Variants in LAPTM4B observed in about 807,000 individuals in gnomAD.
LAPTM4B encodes lysosomal protein transmembrane 4 beta, also known as lysosomal-associated transmembrane protein 4B.
LAPTM4B carries 26 observed loss-of-function variants against 28.5 expected under a neutral mutation model. That is an observed-to-expected ratio of 0.91 (90% CI 0.67 to 1.27). LAPTM4B has a LOEUF of 1.27. Ranked by LOEUF, LAPTM4B falls within the 50% of genes most tolerant of loss-of-function variation. The pLI, the probability that LAPTM4B is intolerant of heterozygous loss-of-function variation, is 0.00. For synonymous variants in LAPTM4B, 109 were observed against 106.4 expected, an observed-to-expected ratio of 1.02 and a Z score of -0.15; for missense variants, 288 against 285.8, an observed-to-expected ratio of 1.01 and a Z score of -0.06.
intron 1 of LAPTM4B, among the ~76,000 whole-genome samples, chr8:97,783,659 C>T (rs1259481748): frequency 6.6e-6 from 1 of 152,118 alleles, no homozygotes; most frequent in East Asian, 1.9e-4. Flanking sequence ...TACCACATAC[C>T]ACAGGCTACC....
chr8:97,787,640 G>T (rs1816425001), intron 1 of LAPTM4B, among the ~76,000 whole-genome samples: 1 of 152,096 alleles, frequency 6.6e-6, no homozygotes, highest in Non-Finnish European at 1.5e-5. Flanking sequence ...TAATATCTTT[G>T]TCTTTCTTTT....
At position 97,837,536 on chromosome 8, in the gene LAPTM4B, A is replaced by G. The variant is rs1817280683; in HGVS notation, c.603+12383A>G. On this transcript the variant is annotated intron_variant, in intron 6 of 6. Coordinates refer to ENST00000521545, the MANE Select transcript of LAPTM4B (RefSeq NM_018407.6). ...GTTAGAAACAAGTTCTTGACTGCAT[A>G]ATGAGTTCTGTTTTTTTTTTCCCTT... Among the ~76,000 whole-genome samples the G allele has an allele frequency of 5.3e-5, 8 of 152,150 alleles. No individual in the cohort carries two copies. The South Asian group carries it at 1.7e-3, about 32-fold the overall frequency.
chr8:97,825,054 T>C lies in LAPTM4B; in HGVS notation c.508-4T>C. ...AAAATCTGATAATCACTCCTCATTT[T>C]CAGGGTTACTTGATTAGCTGTGTTT... On this transcript the variant is annotated splice_polypyrimidine_tract_variant and splice_region_variant and intron_variant, in intron 5 of 6. Transcript: ENST00000521545. 6.4e-7 allele frequency: 1 copy of C among 1,566,852 alleles called. No individual in the cohort carries two copies. The highest frequency in any genetic ancestry group is 1.1e-5 in the South Asian group (1 of 89,752).
At chr8:97,779,963 A>C (rs1265061324) in intron 1 of LAPTM4B, among the ~76,000 whole-genome samples, 2 of 151,200 alleles carry the variant, frequency 1.3e-5, no homozygotes, top group African/African-American at 4.9e-5. Context: ...AGGCAGGAGA[A>C]TCCCTTGAAC....
intron 1 of LAPTM4B, among the ~76,000 whole-genome samples, chr8:97,785,250 T>A (rs935203006): frequency 3.9e-5 from 6 of 152,106 alleles, no homozygotes; most frequent in African/African-American, 1.2e-4. Flanking sequence ...CACGCCTGGC[T>A]TAATTTAGTA....
intron 5 of LAPTM4B, among the ~76,000 whole-genome samples, chr8:97,823,373 G>T (rs866595675): frequency 0.037 from 3,571 of 97,608 alleles, 47 homozygotes; most frequent in Non-Finnish European, 0.045. Context: ...TTTTGTTGTT[G>T]TTGTTGTTGT....
intron 6 of LAPTM4B, among the ~76,000 whole-genome samples, chr8:97,851,022 T>C (rs1260027771): frequency 6.7e-6 from 1 of 149,228 alleles, no homozygotes; most frequent in Non-Finnish European, 1.5e-5. Flanking sequence ...TTCACTGCAC[T>C]TTGCAGTTCT....
intron 1 of LAPTM4B, among the ~76,000 whole-genome samples, chr8:97,777,077 A>G (rs1418990120): frequency 6.7e-6 from 1 of 149,852 alleles, no homozygotes; most frequent in African/African-American, 2.5e-5. Flanking sequence ...ATACCACTGC[A>G]TCGCGAGAAA....
chr8:97,845,242 A>T (rs150775759), intron 6 of LAPTM4B, among the ~76,000 whole-genome samples: 38 of 151,978 alleles, frequency 2.5e-4, no homozygotes, highest in African/African-American at 8.9e-4. Context: ...TTGCGAATTT[A>T]TGATATTGTT....
At chr8:97,841,033 C>CGGT (rs1817339923) in intron 6 of LAPTM4B, among the ~76,000 whole-genome samples, 1 of 150,700 alleles carries the variant, frequency 6.6e-6, no homozygotes, top group African/African-American at 2.5e-5. Context: ...GATGGGGCGG[C>CGGT]GGCTGGGCAG....
At chr8:97,807,939 T>G (rs761109176) in intron 2 of LAPTM4B, among the ~76,000 whole-genome samples, 4 of 151,446 alleles carry the variant, frequency 2.6e-5, no homozygotes, top group Non-Finnish European at 5.9e-5. Context: ...TCCTGGGATT[T>G]GAGATCCTGA....
At chr8:97,850,260 C>T (rs925140400) in intron 6 of LAPTM4B, among the ~76,000 whole-genome samples, 7 of 151,920 alleles carry the variant, frequency 4.6e-5, no homozygotes, top group African/African-American at 1.7e-4. Context: ...AGTACAGGTG[C>T]CCTCTGCCTA....
intron 6 of LAPTM4B, among the ~76,000 whole-genome samples, chr8:97,840,761 C>G (rs1436968934): frequency 6.6e-6 from 1 of 152,098 alleles, no homozygotes; most frequent in Admixed American, 6.5e-5. Context: ...GCACAGCGGC[C>G]GGGCAGAGGT....
intron 1 of LAPTM4B, among the ~76,000 whole-genome samples, chr8:97,792,431 T>C (rs751985628): frequency 6.6e-6 from 1 of 152,104 alleles, no homozygotes; most frequent in Non-Finnish European, 1.5e-5. Context: ...ATTATTTGTA[T>C]TTTTTGTAGA....
At chr8:97,834,638 T>A (rs1563620188) in intron 6 of LAPTM4B, among the ~76,000 whole-genome samples, 1 of 152,082 alleles carries the variant, frequency 6.6e-6, no homozygotes, top group Non-Finnish European at 1.5e-5. Flanking sequence ...GGTGTGATCA[T>A]GCACCTGGGC....
intron 6 of LAPTM4B, among the ~76,000 whole-genome samples, chr8:97,836,906 G>A (rs1348604808): frequency 6.6e-6 from 1 of 151,712 alleles, no homozygotes; most frequent in Admixed American, 6.6e-5. Context: ...GGTGAGTGTG[G>A]CTTCTTTGGT....
At chr8:97,809,512 C>T (rs1188544771) in intron 2 of LAPTM4B, among the ~76,000 whole-genome samples, 1 of 152,038 alleles carries the variant, frequency 6.6e-6, no homozygotes, top group Non-Finnish European at 1.5e-5. Context: ...TCAGCCTGGG[C>T]AACACAGCAA....
At chr8:97,781,278 C>CTTTT (rs71271147) in intron 1 of LAPTM4B, among the ~76,000 whole-genome samples, 4,873 of 50,688 alleles carry the variant, frequency 0.096, 555 homozygotes, top group East Asian at 0.21. Context: ...TGTGCCCGGC[C>CTTTT]TTTTTTTTTT....
intron 1 of LAPTM4B, among the ~76,000 whole-genome samples, chr8:97,783,189 T>G (rs760541713): frequency 4.6e-5 from 7 of 151,222 alleles, no homozygotes; most frequent in Non-Finnish European, 1.0e-4. Context: ...GTTAGCCATA[T>G]ATCAGATTAT....
Sources: gnomAD v4.1 joint callset for allele counts (sites outside exome capture counted in the v4.1 genomes callset) on GRCh38, gnomAD v4.1.1 for gene constraint, MANE v1.5 for transcripts, NCBI Gene and HGNC (gene_info 2026-07-23, HGNC 2026-07-21) for gene names.